The following IL1RAPL1 variants were observed in gnomAD, a reference collection of about 807,000 sequenced individuals.
IL1RAPL1 encodes interleukin-1 receptor accessory protein-like 1.
Under a neutral mutation model 48.4 loss-of-function variants are expected in IL1RAPL1, and 3 were observed. The ratio of observed to expected loss-of-function variants is 0.06; its 90% CI spans 0.03 to 0.16. The LOEUF (loss-of-function observed/expected upper bound fraction) is 0.16, where lower values mean the gene tolerates loss of function less well. IL1RAPL1 is among the 10% of genes least tolerant of loss of function. The probability of loss-of-function intolerance (pLI) is 1.00; values close to 1 mark genes in which losing one functional copy is unlikely to be tolerated. For synonymous variants in IL1RAPL1, 185 were observed against 187.7 expected (o/e 0.99, Z 0.12); for missense variants, 349 against 530.6 (o/e 0.66, Z 3.36).
intron 2 of IL1RAPL1, among the ~76,000 whole-genome samples, chrX:29,052,001 ATGAG>A (rs1428810819): frequency 5.4e-5 from 6 of 112,090 alleles, no homozygotes; most frequent in African/African-American, 1.9e-4. Context: ...ATGTTTCCAA[ATGAG>A]TGAGACTCTA....
chrX:28,629,956 T>G (rs1319531717), intron 1 of IL1RAPL1, among the ~76,000 whole-genome samples: 1 of 111,812 alleles, frequency 8.9e-6, no homozygotes, highest in Non-Finnish European at 1.9e-5. Flanking sequence ...CAAATAAACT[T>G]TATTCTTCTC....
At chrX:29,706,181 C>T (rs958006214) in intron 6 of IL1RAPL1, among the ~76,000 whole-genome samples, 5 of 111,840 alleles carry the variant, frequency 4.5e-5, no homozygotes, top group African/African-American at 9.8e-5. Context: ...CATCTCCCAC[C>T]GGGTCCCTCC....
intron 3 of IL1RAPL1, among the ~76,000 whole-genome samples, chrX:29,355,760 G>A (rs1051791244): frequency 8.9e-6 from 1 of 112,039 alleles, no homozygotes; most frequent in East Asian, 2.8e-4. Context: ...GGAATATTCA[G>A]TATAGTACAT....
intron 8 of IL1RAPL1, among the ~76,000 whole-genome samples, chrX:29,940,973 G>A (rs1261162213): frequency 1.8e-5 from 2 of 112,514 alleles, no homozygotes; most frequent in Admixed American, 9.4e-5. Context: ...CAGCCTCCAA[G>A]ATTATGGTAG....
chrX:29,920,794 C>CAAAAAAAA (rs1176529100), intron 8 of IL1RAPL1, among the ~76,000 whole-genome samples: 25 of 31,629 alleles, frequency 7.9e-4, no homozygotes, highest in African/African-American at 2.5e-3. Context: ...GACCCTGTCT[C>CAAAAAAAA]AAAAAAAAAA....
chrX:29,337,480 C>T (rs756070037), intron 3 of IL1RAPL1, among the ~76,000 whole-genome samples: 3 of 111,093 alleles, frequency 2.7e-5, no homozygotes, highest in East Asian at 2.8e-4. Context: ...CTAAAATAGG[C>T]GTCTTGCAGC....
chrX:28,899,725 A>G (rs1490750969), intron 2 of IL1RAPL1, among the ~76,000 whole-genome samples: 1 of 111,381 alleles, frequency 9.0e-6, no homozygotes, highest in Non-Finnish European at 1.9e-5. Context: ...CCTTAGACCT[A>G]TCAGCTCTTA....
chrX:29,586,280 C>T, intron 5 of IL1RAPL1, among the ~76,000 whole-genome samples: 1 of 111,353 alleles, frequency 9.0e-6, no homozygotes, highest in Non-Finnish European at 1.9e-5. Context: ...CTAGTTTCCC[C>T]AATATCATTT....
At chrX:29,273,849 G>A (rs1189087300) in intron 2 of IL1RAPL1, among the ~76,000 whole-genome samples, 2 of 110,809 alleles carry the variant, frequency 1.8e-5, no homozygotes, top group Admixed American at 1.9e-4. Flanking sequence ...GCATGGTGGG[G>A]GTGGGGTTGC....
At chrX:29,087,133 A>ATTT (rs1569234001) in intron 2 of IL1RAPL1, among the ~76,000 whole-genome samples, 5 of 102,134 alleles carry the variant, frequency 4.9e-5, no homozygotes, top group African/African-American at 1.9e-4. Context: ...ATTATTTAAA[A>ATTT]ATTTTTTTTT....
chrX:28,957,602 C>T (rs1227980641), intron 2 of IL1RAPL1, among the ~76,000 whole-genome samples: 2 of 110,344 alleles, frequency 1.8e-5, no homozygotes, highest in African/African-American at 3.3e-5. Context: ...TTTTTTTGTT[C>T]GTATATCACT....
chrX:28,963,076 A>AG (rs1924828678), intron 2 of IL1RAPL1, among the ~76,000 whole-genome samples: 1 of 111,659 alleles, frequency 9.0e-6, no homozygotes, highest in African/African-American at 3.3e-5. Context: ...GGATTCTCTA[A>AG]ATTGGAAGAT....
At position 29,681,796 on chromosome X, in the gene IL1RAPL1, CAG is replaced by C. The variant is rs767662385; in HGVS notation, c.778+13297_778+13298del. Among the ~76,000 whole-genome samples the C allele has an allele frequency of 2.7e-5, 3 of 111,189 alleles. No individual in the cohort carries two copies. The South Asian group carries it at 1.1e-3, about 42-fold the overall frequency. ...TCATCAGAGTCGAGAGTTGGGACGA[CAG>C]AGAGTAGAAATCCTATAACAGGCAT... On this transcript the variant is annotated intron_variant, in intron 6 of 10. Transcript: ENST00000378993.
At chrX:29,164,894 TA>T (rs1356777155) in intron 2 of IL1RAPL1, among the ~76,000 whole-genome samples, 2 of 111,940 alleles carry the variant, frequency 1.8e-5, no homozygotes, top group African/African-American at 3.2e-5. Context: ...CTCTGTAATA[TA>T]ATGTGGGAAT....
chrX:28,601,586 A>G (rs1380154886), intron 1 of IL1RAPL1, among the ~76,000 whole-genome samples: 2 of 111,561 alleles, frequency 1.8e-5, no homozygotes, highest in East Asian at 5.6e-4. Flanking sequence ...AGTTCAACAA[A>G]TACTTCCAGA....
chrX:29,371,398 C>G (rs1428170405), intron 3 of IL1RAPL1, among the ~76,000 whole-genome samples: 1 of 111,434 alleles, frequency 9.0e-6, no homozygotes, highest in Non-Finnish European at 1.9e-5. Context: ...TCCCAGAGTG[C>G]TGGGATTACA....
chrX:29,073,867 A>G (rs1279706275), intron 2 of IL1RAPL1, among the ~76,000 whole-genome samples: 1 of 111,805 alleles, frequency 8.9e-6, no homozygotes, highest in African/African-American at 3.3e-5. Context: ...TGAGGTTCAG[A>G]AAAGTGAAGT....
chrX:28,612,333 C>T (rs951229117), intron 1 of IL1RAPL1, among the ~76,000 whole-genome samples: 3 of 112,145 alleles, frequency 2.7e-5, no homozygotes, highest in Admixed American at 1.9e-4. Context: ...TGGTGTCTGC[C>T]CTCAGAAAGT....
intron 1 of IL1RAPL1, among the ~76,000 whole-genome samples, chrX:28,756,212 G>C (rs1936103151): frequency 9.0e-6 from 1 of 111,529 alleles, no homozygotes; most frequent in African/African-American, 3.3e-5. Context: ...CATTTTTACA[G>C]ACGTTTCTTG....
Sources: allele counts gnomAD v4.1 joint callset (sites outside exome capture counted in the v4.1 genomes callset), GRCh38; gene constraint gnomAD v4.1.1; transcripts MANE v1.5; gene names NCBI Gene and HGNC (gene_info 2026-07-23, HGNC 2026-07-21).